Variants in ZNF808 observed in about 807,000 individuals in gnomAD.
ZNF808 encodes the protein zinc finger protein 808.
In ZNF808, 5 loss-of-function variants were observed where a neutral mutation model predicts 8.7. The ratio of observed to expected loss-of-function variants is 0.58; its 90% CI spans 0.30 to 1.21. The LOEUF is 1.21. Among genes scored for constraint, ZNF808 ranks in the 50% most tolerant of loss-of-function variants. The pLI is 0.07. For synonymous variants in ZNF808, 380 were observed against 366.0 expected, an observed-to-expected ratio of 1.04 and a Z score of -0.44; for missense variants, 1,103 against 1,098.4, an observed-to-expected ratio of 1.00 and a Z score of -0.06.
rs560077621 is a variant in ZNF808, at chr19:52,561,898, C to A, written c.*423-1420C>A. Among the ~76,000 whole-genome samples the A allele has an allele frequency of 2.6e-5, 4 of 152,306 alleles. No individual in the cohort carries two copies. In the South Asian group the frequency reaches 8.3e-4, roughly 32 times the overall value. Reference sequence around the variant, plus strand: ...TGCTATTAGATGGCTTCACATATTGCAGGTTTTATGCTACAGGCTCTAAAC... The same window carrying A: ...TGCTATTAGATGGCTTCACATATTGAAGGTTTTATGCTACAGGCTCTAAAC... On this transcript the variant is annotated intron_variant and NMD_transcript_variant, in intron 3 of 3. Transcript: ENST00000487863.
intron 4 of ZNF808, among the ~76,000 whole-genome samples, chr19:52,551,063 T>TA (rs927056798): frequency 4.6e-5 from 7 of 151,552 alleles, no homozygotes; most frequent in African/African-American, 1.5e-4. Context: ...TCTACTAAAT[T>TA]AAAAAAAATT....
chr19:52,563,579 A>T (rs907696298), exon 4 of ZNF808: 1 of 152,560 alleles, frequency 6.6e-6, no homozygotes, highest in Non-Finnish European at 1.5e-5. Flanking sequence ...TAATGAAGTC[A>T]TTGATAGTTT....
At chr19:52,547,739 G>GTTTTTTT in intron 4 of ZNF808, 101 bp downstream of exon 4, 1 of 1,011,536 alleles carries the variant, frequency 9.9e-7, no homozygotes, top group African/African-American at 2.3e-5. Flanking sequence ...ATCCATGCTG[G>GTTTTTTT]TTTTTTTTTT....
chr19:52,530,660 C>T (rs811920), intron 1 of ZNF808, among the ~76,000 whole-genome samples: 1 of 124,140 alleles, frequency 8.1e-6, no homozygotes, highest in Non-Finnish European at 1.8e-5. Flanking sequence ...TAGACTCCAT[C>T]TGACAAAAAA....
At chr19:52,550,639 C>T (rs1014318731) in intron 4 of ZNF808, among the ~76,000 whole-genome samples, 7 of 152,010 alleles carry the variant, frequency 4.6e-5, no homozygotes, top group African/African-American at 1.7e-4. Flanking sequence ...GATTGTCCTG[C>T]CTCAGGCTCC....
intron 4 of ZNF808, among the ~76,000 whole-genome samples, chr19:52,548,670 C>T (rs546345933): frequency 2.0e-5 from 3 of 152,340 alleles, no homozygotes; most frequent in South Asian, 2.1e-4. Flanking sequence ...TGTGATTCAG[C>T]TGCCTTGGAT....
Position 52,553,765 on chromosome 19 carries a change from A to T in ZNF808, c.849A>T (p.Gly283=), listed in dbSNP as rs781722675. 21 of 1,614,056 alleles carry T rather than the reference A, an allele frequency of 1.3e-5. No homozygotes were observed. The highest frequency in any genetic ancestry group is 1.5e-5 in the Non-Finnish European group (18 of 1,180,040). Residue 283 remains glycine (G), a synonymous_variant, in exon 5 of 5, where the codon GGA becomes GGT. Coordinates refer to ENST00000359798, the MANE Select transcript of ZNF808 (RefSeq NM_001039886.4). ...YLACHRRCHT[G]EKPYKCKECG... is the part of the protein sequence containing the mutation. Reference sequence around the variant, plus strand: ...CATGCCATCGTAGATGTCACACTGGAGAGAAACCTTACAAGTGTAAAGAGT... The same window carrying T: ...CATGCCATCGTAGATGTCACACTGGTGAGAAACCTTACAAGTGTAAAGAGT...
At chr19:52,549,073 G>A (rs1008453264) in intron 4 of ZNF808, among the ~76,000 whole-genome samples, 1 of 152,058 alleles carries the variant, frequency 6.6e-6, no homozygotes, top group African/African-American at 2.4e-5. Context: ...CACATCCCAG[G>A]TCAAGCAATC....
rs970816848 is a variant in ZNF808, at chr19:52,555,397, T to G, written c.2481T>G (p.Ala827=). 4.3e-6 allele frequency: 7 copies of G among 1,614,018 alleles called. No individual in the cohort carries two copies. The highest frequency in any genetic ancestry group is 1.1e-5 in the South Asian group (1 of 91,084). ...KPYKCNECGK[A]FNEQSHLSRH... is the part of the protein sequence containing the mutation. ...ACAAGTGTAATGAATGTGGAAAGGC[T>G]TTTAATGAACAATCACACCTTTCAC... is the stretch of plus-strand genomic sequence containing the variant. Residue 827 remains alanine, a synonymous_variant, in exon 5 of 5, where the codon GCT becomes GCG. Transcript: ENST00000359798.
At chr19:52,545,825 C>CTG (rs1379518361) in intron 3 of ZNF808, among the ~76,000 whole-genome samples, 4 of 151,852 alleles carry the variant, frequency 2.6e-5, no homozygotes, top group Admixed American at 2.6e-4. Context: ...ATATGTATGC[C>CTG]TGTGTGTGTC....
rs770084651 is a variant in ZNF808 at position 52,555,177 on chromosome 19, G to A, written c.2261G>A (p.Arg754His). The A allele has an allele frequency of 1.2e-5, 19 of 1,613,418 alleles. No homozygotes were observed. Among genetic ancestry groups the A allele is most frequent in the Admixed American group, 8.3e-5 (5 of 59,966 alleles). The change falls in exon 5 of 5, where the codon CGT becomes CAT. Residue 754 changes from arginine to histidine, a missense_variant. Arg to His is a conservative substitution (Grantham distance 29). Coordinates refer to ENST00000359798, the MANE Select transcript of ZNF808 (RefSeq NM_001039886.4). ...FSQKATLLCH[R>H]RLHSGEKPYK... ...CAGAAGGCAACCCTTCTATGCCATC[G>A]TAGACTTCATAGTGGTGAGAAACCT...
downstream of ZNF808, among the ~76,000 whole-genome samples, chr19:52,557,570 T>C (rs1187367265): frequency 6.6e-6 from 1 of 152,208 alleles, no homozygotes; most frequent in Non-Finnish European, 1.5e-5. Flanking sequence ...GCCTGAAGAC[T>C]CATGTATTCT....
In ZNF808 at chr19:52,554,988, G is replaced by T. The variant is rs369944103; in HGVS notation, c.2072G>T (p.Arg691Leu). Residue 691 changes from arginine to leucine, a missense_variant, in exon 5 of 5, where the codon CGT (arginine) becomes CTT (leucine). Transcript: ENST00000359798. Reference protein sequence around the residue: ...CKVCDKAFVCRSYVAKHTRIH... With the variant: ...CKVCDKAFVCLSYVAKHTRIH... ...GTTTGTGACAAGGCTTTCGTGTGTC[G>T]TTCCTATGTGGCAAAACATACTAGA... 6.2e-7 allele frequency: 1 copy of T among 1,611,106 alleles called. No individual in the cohort carries two copies. The highest frequency in any genetic ancestry group is 8.5e-7 in the Non-Finnish European group (1 of 1,179,152).
At chr19:52,534,544 A>G (rs1160988166) in intron 2 of ZNF808, among the ~76,000 whole-genome samples, 3 of 151,764 alleles carry the variant, frequency 2.0e-5, no homozygotes, top group Non-Finnish European at 4.4e-5. Flanking sequence ...CATTTGGGGG[A>G]AGACTCTTTG....
At chr19:52,534,793 G>A (rs1400661193) in intron 2 of ZNF808, among the ~76,000 whole-genome samples, 2 of 152,040 alleles carry the variant, frequency 1.3e-5, no homozygotes, top group Admixed American at 6.6e-5. Flanking sequence ...AAAGGCTGAG[G>A]CAGAAGAATA....
exon 4 of ZNF808, chr19:52,563,937 G>T: frequency 3.5e-6 from 1 of 285,036 alleles, no homozygotes; most frequent in Non-Finnish European, 6.6e-6. Flanking sequence ...CGGAAGTTTC[G>T]ATGAGCCGGG....
chr19:52,561,212 C>CTATATATA (rs374488821), downstream of ZNF808, among the ~76,000 whole-genome samples: 100 of 40,000 alleles, frequency 2.5e-3, no homozygotes, highest in South Asian at 5.1e-3. Flanking sequence ...CTCTCTCTCT[C>CTATATATA]TATATATATA....
intron 2 of ZNF808, among the ~76,000 whole-genome samples, chr19:52,534,488 A>C (rs1568478262): frequency 6.6e-6 from 1 of 152,202 alleles, no homozygotes; most frequent in African/African-American, 2.4e-5. Flanking sequence ...TTATTAATGA[A>C]GTAGTTTTTC....
chr19:52,559,192 T>G (rs368631201), downstream of ZNF808, among the ~76,000 whole-genome samples: 40 of 151,730 alleles, frequency 2.6e-4, 1 homozygote, highest in South Asian at 8.3e-3. Flanking sequence ...ATCTGTCTCC[T>G]GCTGGTCCCT....
Sources: allele counts gnomAD v4.1 joint callset (sites outside exome capture counted in the v4.1 genomes callset), GRCh38; gene constraint gnomAD v4.1.1; transcripts MANE v1.5; gene names NCBI Gene and HGNC (gene_info 2026-07-23, HGNC 2026-07-21).